Variants in CSMD1 observed in about 807,000 individuals in gnomAD.
CSMD1 encodes the protein CUB and Sushi multiple domains 1, also known as CUB and sushi domain-containing protein 1.
A neutral mutation model predicts 417.5 loss-of-function variants in CSMD1; 213 were observed. That is an observed-to-expected ratio of 0.51 (90% CI 0.46 to 0.57). The LOEUF (loss-of-function observed/expected upper bound fraction) is 0.57, where lower values mean the gene tolerates loss of function less well. Among genes scored for constraint, CSMD1 ranks in the 20% least tolerant of loss-of-function variants. The pLI is 0.00. For synonymous variants in CSMD1, 2,862 were observed against 1,736.8 expected (o/e 1.65, Z -16.11); for missense variants, 6,923 against 4,529.7 (o/e 1.53, Z -15.17).
chr8:4,262,101 G>A (rs566752141), intron 3 of CSMD1, among the ~76,000 whole-genome samples: 19 of 152,048 alleles, frequency 1.2e-4, no homozygotes, highest in Non-Finnish European at 2.5e-4. Context: ...CACTATTACT[G>A]TTACTTCTCT....
At position 3,639,215 on chromosome 8, in the gene CSMD1, G is replaced by A. The variant is rs550472012; in HGVS notation, c.1010-22418C>T. On this transcript the variant is annotated intron_variant, in intron 7 of 69. Transcript: ENST00000635120. Reference sequence around the variant, plus strand: ...AGAAAGTAAAGACACAGGCCTTGAGGTCTCTCTGTTGGACTAGTCCATTGA... The same window carrying A: ...AGAAAGTAAAGACACAGGCCTTGAGATCTCTCTGTTGGACTAGTCCATTGA... Among the ~76,000 whole-genome samples, 7 of 152,268 alleles carry A rather than the reference G, an allele frequency of 4.6e-5. No individual in the cohort carries two copies. In the South Asian group the frequency reaches 1.2e-3, roughly 27 times the overall value.
At chr8:3,151,762 G>A (rs1055813048) in intron 39 of CSMD1, among the ~76,000 whole-genome samples, 8 of 152,092 alleles carry the variant, frequency 5.3e-5, no homozygotes, top group African/African-American at 1.7e-4. Context: ...ACACTCAAAG[G>A]CTCCCAGTAA....
intron 5 of CSMD1, among the ~76,000 whole-genome samples, chr8:3,975,285 A>G (rs796813254): frequency 6.6e-6 from 1 of 152,158 alleles, no homozygotes; most frequent in South Asian, 2.1e-4. Context: ...TTGCTATTTT[A>G]TTTTATACCT....
intron 3 of CSMD1, among the ~76,000 whole-genome samples, chr8:4,223,427 T>C (rs1172665834): frequency 6.6e-6 from 1 of 152,230 alleles, no homozygotes; most frequent in Non-Finnish European, 1.5e-5. Context: ...TCGCCAGGGA[T>C]ACGTGACGAA....
At chr8:3,641,395 T>C (rs17063123) in intron 7 of CSMD1, among the ~76,000 whole-genome samples, 4,147 of 152,234 alleles carry the variant, frequency 0.027, 82 homozygotes, top group Middle Eastern at 0.071. Flanking sequence ...TGAGCAGATC[T>C]TAGAAGCAGA....
At chr8:3,403,642 C>A (rs1812173373) in intron 15 of CSMD1, among the ~76,000 whole-genome samples, 1 of 152,200 alleles carries the variant, frequency 6.6e-6, no homozygotes, top group Non-Finnish European at 1.5e-5. Context: ...CACAGCTTGA[C>A]TTGTGGCCAG....
At chr8:4,858,338 C>G (rs1388461965) in intron 1 of CSMD1, among the ~76,000 whole-genome samples, 3 of 151,604 alleles carry the variant, frequency 2.0e-5, no homozygotes, top group African/African-American at 7.3e-5. Context: ...GGAAGCATTC[C>G]CTTTGAAAAC....
intron 25 of CSMD1, among the ~76,000 whole-genome samples, chr8:3,291,418 T>A (rs114254701): frequency 0.07 from 10,657 of 152,254 alleles, 738 homozygotes; most frequent in African/African-American, 0.18. Flanking sequence ...CTCCTTTTTG[T>A]ACCTCTGGCA....
At chr8:3,998,213 G>A (rs2130342489) in intron 4 of CSMD1, 103 bp from the exon 5 acceptor site, 4 of 1,032,432 alleles carry the variant, frequency 3.9e-6, no homozygotes, top group East Asian at 2.6e-5. Flanking sequence ...AATATTTTCT[G>A]AACCCAAAAT....
At chr8:4,154,733 A>G (rs6995251) in intron 3 of CSMD1, among the ~76,000 whole-genome samples, 4,617 of 152,288 alleles carry the variant, frequency 0.03, 254 homozygotes, top group African/African-American at 0.1. Context: ...GACCTACCTT[A>G]TGCAAGTAAG....
chr8:3,948,267 T>C (rs1410923642), intron 5 of CSMD1, among the ~76,000 whole-genome samples: 1 of 152,150 alleles, frequency 6.6e-6, no homozygotes, highest in Non-Finnish European at 1.5e-5. Flanking sequence ...CTATATATAT[T>C]TGTTAAAAAA....
At chr8:2,955,472 A>G (rs1384494185) in intron 64 of CSMD1, 117 bp downstream of exon 64, 1 of 927,330 alleles carries the variant, frequency 1.1e-6, no homozygotes, top group Non-Finnish European at 1.6e-6. Context: ...GCAGGTGGCG[A>G]TGCTGCAGCC....
chr8:4,481,378 T>C (rs894197653), intron 2 of CSMD1, among the ~76,000 whole-genome samples: 1 of 152,228 alleles, frequency 6.6e-6, no homozygotes, highest in Non-Finnish European at 1.5e-5. Context: ...AAATATAAAA[T>C]GAGACATCTC....
intron 2 of CSMD1, among the ~76,000 whole-genome samples, chr8:4,444,411 G>C (rs1157012115): frequency 2.0e-5 from 3 of 146,796 alleles, no homozygotes; most frequent in South Asian, 2.2e-4. Context: ...GCTGAATGTG[G>C]TGCTCAAAAA....
At chr8:3,359,716 T>G (rs1809032537) in intron 20 of CSMD1, among the ~76,000 whole-genome samples, 1 of 152,086 alleles carries the variant, frequency 6.6e-6, no homozygotes, top group Non-Finnish European at 1.5e-5. Context: ...AATAATACAG[T>G]GTACATTTCA....
intron 12 of CSMD1, among the ~76,000 whole-genome samples, chr8:3,431,188 T>C (rs1344439781): frequency 1.3e-5 from 2 of 152,064 alleles, no homozygotes; most frequent in African/African-American, 2.4e-5. Flanking sequence ...ATGATGGAGA[T>C]TAGGATTTCC....
intron 51 of CSMD1, among the ~76,000 whole-genome samples, chr8:3,019,701 C>A (rs548414713): frequency 6.6e-6 from 1 of 152,152 alleles, no homozygotes; most frequent in Non-Finnish European, 1.5e-5. Flanking sequence ...TGATCGTGTC[C>A]ATTTTCACTC....
rs1803951936 is a variant in CSMD1 at position 2,966,322 on chromosome 8, T to C, written c.9100+248A>G. On this transcript the variant is annotated intron_variant, in intron 58 of 69. Transcript: ENST00000635120. ...GTCTACAGACAAAGTCTGGACTTTT[T>C]TGGTCTCAATTTTACAATGTTTGAC... 2.6e-5 allele frequency among the ~76,000 whole-genome samples: 4 copies of C among 152,298 alleles called. No individual in the cohort carries two copies. The South Asian group carries it at 8.3e-4, about 32-fold the overall frequency.
intron 6 of CSMD1, among the ~76,000 whole-genome samples, chr8:3,730,654 G>T (rs1439143371): frequency 1.3e-5 from 2 of 152,170 alleles, no homozygotes; most frequent in African/African-American, 4.8e-5. Context: ...TCTTCTGACA[G>T]ATTGACCTTC....
Sources: allele counts gnomAD v4.1 joint callset (sites outside exome capture counted in the v4.1 genomes callset), GRCh38; gene constraint gnomAD v4.1.1; transcripts MANE v1.5; gene names NCBI Gene and HGNC (gene_info 2026-07-23, HGNC 2026-07-21).